The following CCDC170 variants were observed in gnomAD, a reference collection of about 807,000 sequenced individuals.
CCDC170 encodes the protein coiled-coil domain containing 170.
In CCDC170, 69 loss-of-function variants were observed where a neutral mutation model predicts 72.6. The observed-to-expected ratio is 0.95, with a 90% CI of 0.78 to 1.16. The LOEUF (loss-of-function observed/expected upper bound fraction) is 1.16, where lower values mean the gene tolerates loss of function less well. Ranked by LOEUF, CCDC170 falls within the 50% of genes most tolerant of loss-of-function variation. CCDC170 has a pLI of 0.00. For missense variants in CCDC170, 852 were observed against 832.5 expected (o/e 1.02, Z -0.29); for synonymous variants, 300 against 303.9 (o/e 0.99, Z 0.13).
Position 151,618,339 on chromosome 6 carries a change from T to C in CCDC170, c.*192T>C. 1 of 557,176 alleles carries C rather than the reference T, an allele frequency of 1.8e-6. No homozygotes were observed. Among genetic ancestry groups the C allele is most frequent in the South Asian group, 2.6e-5 (1 of 38,896 alleles). 34.5% of individuals were successfully genotyped at this position (557,176 alleles called of 1,614,324 possible). A position where few individuals can be genotyped will look rare whatever the true frequency, so the allele number is the denominator to read the frequency against. ...ATAAACGTTCAGCATTAAAAACGCC[T>C]ATTATTTCATTTACTAGCATTTTAG... On this transcript the variant is annotated 3_prime_UTR_variant, in exon 11 of 11. Coordinates refer to ENST00000239374, the MANE Select transcript of CCDC170 (RefSeq NM_025059.4).
intron 6 of CCDC170, among the ~76,000 whole-genome samples, chr6:151,582,946 C>T (rs183561201): frequency 1.1e-3 from 168 of 147,468 alleles, no homozygotes; most frequent in Non-Finnish European, 1.9e-3. Flanking sequence ...TTAGAGAGGA[C>T]AAATATCCAC....
At chr6:151,509,614 A>C (rs567276758) in intron 1 of CCDC170, among the ~76,000 whole-genome samples, 40 of 152,216 alleles carry the variant, frequency 2.6e-4, no homozygotes, top group Middle Eastern at 3.2e-3. Flanking sequence ...GTGTACAGTT[A>C]TGAACGTGGA....
intron 1 of CCDC170, among the ~76,000 whole-genome samples, chr6:151,533,127 T>C (rs112611714): frequency 3.3e-3 from 492 of 150,828 alleles, no homozygotes; most frequent in African/African-American, 5.5e-3. Context: ...GGTCTCGGCT[T>C]ACTGCAAGCT....
chr6:151,508,490 A>G (rs1782095818), intron 1 of CCDC170, among the ~76,000 whole-genome samples: 1 of 152,236 alleles, frequency 6.6e-6, no homozygotes, highest in East Asian at 1.9e-4. Flanking sequence ...GTGAGCAAAG[A>G]TCATGCCATT....
chr6:151,517,664 G>A (rs919992017), intron 1 of CCDC170, among the ~76,000 whole-genome samples: 4 of 151,512 alleles, frequency 2.6e-5, no homozygotes, highest in Admixed American at 6.6e-5. Context: ...GGCTGGTCTC[G>A]AACTCCTGAC....
At chr6:151,523,065 T>C (rs1401314815) in intron 1 of CCDC170, among the ~76,000 whole-genome samples, 2 of 152,208 alleles carry the variant, frequency 1.3e-5, no homozygotes, top group Middle Eastern at 3.2e-3. Flanking sequence ...AAGGTTGATT[T>C]CTGCTAAAGT....
intron 3 of CCDC170, among the ~76,000 whole-genome samples, chr6:151,541,645 A>T (rs183068945): frequency 6.6e-6 from 1 of 152,036 alleles, no homozygotes; most frequent in African/African-American, 2.4e-5. Flanking sequence ...ATTGTAAAAA[A>T]TATTTTTTAT....
intron 7 of CCDC170, among the ~76,000 whole-genome samples, chr6:151,586,951 A>AT (rs1288761086): frequency 6.6e-6 from 1 of 151,538 alleles, no homozygotes; most frequent in Non-Finnish European, 1.5e-5. Context: ...CGCCCGGCTA[A>AT]TTTTTTGTAT....
chr6:151,617,972 C>T lies in CCDC170; in HGVS notation c.1973C>T (p.Ser658Leu), dbSNP rs373485259. ...KQLADFREVV[S>L]QMLGLNVTSL... is the part of the protein sequence containing the mutation. ...CTGGCAGACTTCAGGGAGGTGGTGTCGCAGATGCTAGGCTTGAACGTGACC... is the reference window on the plus strand; with the variant it reads ...CTGGCAGACTTCAGGGAGGTGGTGTTGCAGATGCTAGGCTTGAACGTGACC... The change falls in exon 11 of 11, where the codon TCG becomes TTG. Residue 658 changes from serine (S) to leucine (L), a missense_variant. Coordinates refer to ENST00000239374, the MANE Select transcript of CCDC170 (RefSeq NM_025059.4). 8.4e-5 allele frequency: 135 copies of T among 1,613,632 alleles called. No homozygotes were observed. The Admixed American group carries it at 9.5e-4, about 11-fold the overall frequency.
At chr6:151,509,221 T>TCTAC (rs765748254) in intron 1 of CCDC170, among the ~76,000 whole-genome samples, 10,517 of 108,596 alleles carry the variant, frequency 0.097, 410 homozygotes, top group African/African-American at 0.17. Flanking sequence ...TATCTATCTA[T>TCTAC]GTATCTATCT....
intron 5 of CCDC170, among the ~76,000 whole-genome samples, chr6:151,556,594 T>A (rs913756877): frequency 2.8e-4 from 43 of 152,256 alleles, no homozygotes; most frequent in African/African-American, 9.9e-4. Flanking sequence ...CTACTTTTTT[T>A]ATTTATTATT....
chr6:151,558,359 C>T (rs77673929), intron 5 of CCDC170, among the ~76,000 whole-genome samples: 2,809 of 151,048 alleles, frequency 0.019, 98 homozygotes, highest in African/African-American at 0.064. Flanking sequence ...GTTTCTTCAC[C>T]CTGTTGATTG....
At chr6:151,572,312 TG>T (rs1776229427) in intron 5 of CCDC170, among the ~76,000 whole-genome samples, 2 of 152,352 alleles carry the variant, frequency 1.3e-5, no homozygotes, top group South Asian at 4.1e-4. Flanking sequence ...TATTGGATAT[TG>T]GAAGTCAATG....
intron 4 of CCDC170, among the ~76,000 whole-genome samples, chr6:151,545,882 C>T (rs555497945): frequency 6.6e-6 from 1 of 152,298 alleles, no homozygotes; most frequent in East Asian, 1.9e-4. Context: ...AATTACCCCA[C>T]CTCTGCCTCC....
chr6:151,494,071 G>A lies in CCDC170; in HGVS notation c.-58G>A, dbSNP rs990827950. 39 of 1,432,006 alleles carry A rather than the reference G, an allele frequency of 2.7e-5. No individual in the cohort carries two copies. The African/African-American group carries it at 3.0e-4, about 11-fold the overall frequency. The allele number at this position is 1,432,006 out of a possible 1,614,324, so 88.7% of individuals were successfully genotyped here. ...CCCGCGCCACCCGCCGGCTCCCGGC[G>A]CCGCCGCTTCCTCAGGGCCGGTTCC... On this transcript the variant is annotated 5_prime_UTR_variant, in exon 1 of 11. Coordinates refer to ENST00000239374, the MANE Select transcript of CCDC170 (RefSeq NM_025059.4).
chr6:151,504,551 A>G (rs937848179), intron 1 of CCDC170, among the ~76,000 whole-genome samples: 7 of 152,182 alleles, frequency 4.6e-5, no homozygotes, highest in African/African-American at 1.7e-4. Flanking sequence ...GAGTAAATAT[A>G]TGGTCTCAGA....
chr6:151,613,849 T>TA (rs752530794), intron 9 of CCDC170, among the ~76,000 whole-genome samples: 6 of 152,226 alleles, frequency 3.9e-5, no homozygotes, highest in Non-Finnish European at 7.3e-5. Flanking sequence ...CTCTTGCCCA[T>TA]ACGCCTAGGA....
At chr6:151,607,259 G>A (rs913402173) in intron 9 of CCDC170, among the ~76,000 whole-genome samples, 1 of 152,004 alleles carries the variant, frequency 6.6e-6, no homozygotes, top group African/African-American at 2.4e-5. Flanking sequence ...TTTTAATTGA[G>A]GAATTTAAAC....
intron 9 of CCDC170, among the ~76,000 whole-genome samples, chr6:151,597,246 C>T (rs1776640543): frequency 6.6e-6 from 1 of 152,236 alleles, no homozygotes; most frequent in African/African-American, 2.4e-5. Flanking sequence ...CTGCTTCAGC[C>T]TCCCAAGTAG....
Sources: gnomAD v4.1 joint callset for allele counts (sites outside exome capture counted in the v4.1 genomes callset) on GRCh38, gnomAD v4.1.1 for gene constraint, MANE v1.5 for transcripts, NCBI Gene and HGNC (gene_info 2026-07-23, HGNC 2026-07-21) for gene names.